PLEKHG1: variants seen among roughly 807,000 people sequenced by gnomAD.
PLEKHG1 encodes the protein pleckstrin homology and RhoGEF domain containing G1, also known as pleckstrin homology domain-containing family G member 1.
Under a neutral mutation model 100.8 loss-of-function variants are expected in PLEKHG1, and 44 were observed. That is an observed-to-expected ratio of 0.44 (90% CI 0.34 to 0.56). The LOEUF (loss-of-function observed/expected upper bound fraction) is 0.56, where lower values mean the gene tolerates loss of function less well. Ranked by LOEUF, PLEKHG1 falls within the 20% of genes least tolerant of loss-of-function variation. The pLI, the probability that PLEKHG1 is intolerant of heterozygous loss-of-function variation, is 0.01. For synonymous variants in PLEKHG1, 640 were observed against 662.5 expected (o/e 0.97, Z 0.52); for missense variants, 1,545 against 1,720.9 (o/e 0.90, Z 1.81).
chr6:150,751,703 A>T (rs1783519567), intron 2 of PLEKHG1, among the ~76,000 whole-genome samples: 1 of 152,230 alleles, frequency 6.6e-6, no homozygotes, highest in African/African-American at 2.4e-5. Flanking sequence ...TGGATGTGAC[A>T]GCACCAAGGA....
chr6:150,730,576 G>C (rs1782195221), intron 1 of PLEKHG1, among the ~76,000 whole-genome samples: 3 of 152,086 alleles, frequency 2.0e-5, no homozygotes, highest in Non-Finnish European at 4.4e-5. Context: ...TTCCTGACAG[G>C]CCGTGGACCG....
intron 4 of PLEKHG1, among the ~76,000 whole-genome samples, chr6:150,787,030 C>CAAAAAAAAAA (rs555809522): frequency 1.7e-5 from 1 of 58,022 alleles, no homozygotes; most frequent in Non-Finnish European, 4.1e-5. Context: ...GACTCTGTCT[C>CAAAAAAAAAA]AAAAAAAAAA....
At chr6:150,605,287 G>C (rs1357300438) in intron 1 of PLEKHG1, among the ~76,000 whole-genome samples, 1 of 152,170 alleles carries the variant, frequency 6.6e-6, no homozygotes, top group African/African-American at 2.4e-5. Flanking sequence ...CAGGGCCTTG[G>C]ATGCGATACA....
chr6:150,608,903 A>G (rs1329585245), intron 1 of PLEKHG1, among the ~76,000 whole-genome samples: 3 of 152,248 alleles, frequency 2.0e-5, no homozygotes, highest in Non-Finnish European at 4.4e-5. Context: ...ACTGCATAAT[A>G]TATGTATGGC....
At chr6:150,653,148 G>A (rs888599130) in intron 3 of PLEKHG1, among the ~76,000 whole-genome samples, 1 of 152,126 alleles carries the variant, frequency 6.6e-6, no homozygotes, top group African/African-American at 2.4e-5. Flanking sequence ...ATTAGTCACA[G>A]TGCTCAGGGC....
At chr6:150,804,841 C>T in intron 7 of PLEKHG1, 100 bp downstream of exon 8, 1 of 1,058,006 alleles carries the variant, frequency 9.5e-7, no homozygotes, top group Non-Finnish European at 1.4e-6. Context: ...GCACTACACT[C>T]ATCATCTTCA....
chr6:150,706,936 G>A (rs1321524822), intron 3 of PLEKHG1, among the ~76,000 whole-genome samples: 1 of 149,080 alleles, frequency 6.7e-6, no homozygotes, highest in Non-Finnish European at 1.5e-5. Flanking sequence ...TCCATGATGG[G>A]AAGATTGGTC....
At chr6:150,721,634 TGCAAA>T (rs1168254623) in intron 1 of PLEKHG1, among the ~76,000 whole-genome samples, 1 of 152,204 alleles carries the variant, frequency 6.6e-6, no homozygotes, top group Non-Finnish European at 1.5e-5. Flanking sequence ...AATAAATGTT[TGCAAA>T]TGTATGCTTA....
chr6:150,767,543 C>T (rs941151140), intron 2 of PLEKHG1, among the ~76,000 whole-genome samples: 3 of 152,122 alleles, frequency 2.0e-5, no homozygotes, highest in African/African-American at 7.2e-5. Flanking sequence ...GCCTATTTTG[C>T]ATTGGAGGAA....
intron 4 of PLEKHG1, among the ~76,000 whole-genome samples, chr6:150,788,410 C>T (rs1380833513): frequency 2.0e-5 from 3 of 152,308 alleles, no homozygotes; most frequent in Non-Finnish European, 2.9e-5. Context: ...TTGACTTCTG[C>T]TTTTATCTGA....
At chr6:150,654,768 A>G (rs527306646) in intron 3 of PLEKHG1, among the ~76,000 whole-genome samples, 1 of 152,392 alleles carries the variant, frequency 6.6e-6, no homozygotes, top group East Asian at 1.9e-4. Flanking sequence ...GGCAGCTAAT[A>G]GAAGAATGAT....
chr6:150,823,811 T>G, intron 14 of PLEKHG1, 135 bp downstream of exon 15: 1 of 662,952 alleles, frequency 1.5e-6, no homozygotes. Flanking sequence ...AATATGGTAT[T>G]TTACATTTTG....
chr6:150,705,088 G>A (rs1780949967), intron 3 of PLEKHG1, among the ~76,000 whole-genome samples: 1 of 152,110 alleles, frequency 6.6e-6, no homozygotes. Flanking sequence ...ACAAAATTCA[G>A]TCCATAGCAG....
upstream of PLEKHG1, among the ~76,000 whole-genome samples, chr6:150,718,538 C>T (rs1230349050): frequency 6.8e-6 from 1 of 148,130 alleles, no homozygotes; most frequent in Non-Finnish European, 1.5e-5. Flanking sequence ...GGCACGATCT[C>T]GGCTCACTAC....
chr6:150,706,998 C>CTTTTTTTTTTTTTTTTTTTTTTTTTTTTT (rs71014517), intron 3 of PLEKHG1, among the ~76,000 whole-genome samples: 2 of 51,934 alleles, frequency 3.9e-5, no homozygotes, highest in African/African-American at 1.6e-4. Context: ...TTTTCTTTTT[C>CTTTTTTTTTTTTTTTTTTTTTTTTTTTTT]TTTTTTTTTT....
intron 2 of PLEKHG1, among the ~76,000 whole-genome samples, chr6:150,741,526 C>T (rs183683008): frequency 2.6e-4 from 39 of 152,326 alleles, no homozygotes; most frequent in African/African-American, 8.7e-4. Context: ...ATAACATTAG[C>T]AGCAATTAAT....
intron 2 of PLEKHG1, among the ~76,000 whole-genome samples, chr6:150,768,138 T>C (rs969998730): frequency 6.6e-5 from 10 of 152,196 alleles, no homozygotes; most frequent in Non-Finnish European, 7.4e-5. Context: ...ATATGCTTAT[T>C]TTTTTCACTT....
At chr6:150,631,974 CA>C (rs1356532258) in intron 1 of PLEKHG1, among the ~76,000 whole-genome samples, 1 of 152,200 alleles carries the variant, frequency 6.6e-6, no homozygotes, top group Non-Finnish European at 1.5e-5. Context: ...ACCTGTCCAC[CA>C]GAGCTTCTAG....
upstream of PLEKHG1, among the ~76,000 whole-genome samples, chr6:150,717,198 A>G (rs1781476521): frequency 6.6e-6 from 1 of 150,936 alleles, no homozygotes. Context: ...CGCCTGGCTA[A>G]TTTTTGTATT....
Sources: gnomAD v4.1 joint callset for allele counts (sites outside exome capture counted in the v4.1 genomes callset) on GRCh38, gnomAD v4.1.1 for gene constraint, MANE v1.5 for transcripts, NCBI Gene and HGNC (gene_info 2026-07-23, HGNC 2026-07-21) for gene names.